Variants in PER3 observed in about 807,000 individuals in gnomAD.
PER3 encodes the protein period circadian protein homolog 3.
PER3 carries 107 observed loss-of-function variants against 127.2 expected under a neutral mutation model. That is an observed-to-expected ratio of 0.84 (90% confidence interval 0.72 to 0.99). PER3 has a LOEUF of 0.99. Among genes scored for constraint, PER3 ranks in the 50% least tolerant of loss-of-function variants. The probability of loss-of-function intolerance (pLI) is 0.00; values close to 1 mark genes in which losing one functional copy is unlikely to be tolerated. For missense variants in PER3, 1,560 were observed against 1,525.8 expected (o/e 1.02, Z -0.37); for synonymous variants, 618 against 585.8 (o/e 1.05, Z -0.79).
rs558476732 is a variant in PER3, at chr1:7,841,724, T to C, written c.3550-948T>C. ...CTCCATTTTCAAAGAAAAGAATGAG[T>C]GTCTGTCATGTAAGAATGGCTGGGT... On this transcript the variant is annotated intron_variant, in intron 21 of 21. Transcript: ENST00000377532. Among the ~76,000 whole-genome samples the C allele has an allele frequency of 3.9e-5, 6 of 152,252 alleles. No individual in the cohort carries two copies. In the South Asian group the frequency reaches 1.2e-3, roughly 32 times the overall value.
chr1:7,790,021 C>T (rs10864315), intron 5 of PER3, among the ~76,000 whole-genome samples: 42,708 of 152,120 alleles, frequency 0.28, 6,282 homozygotes, highest in Middle Eastern at 0.46. Flanking sequence ...AGAACTAGTC[C>T]GGATACAGAT....
Position 7,820,675 on chromosome 1 carries a change from C to T in PER3, c.1957+35C>T, listed in dbSNP as rs377193324. The T allele has an allele frequency of 8.5e-6, 13 of 1,537,892 alleles. No individual in the cohort carries two copies. The African/African-American group carries it at 1.5e-4, about 18-fold the overall frequency. On this transcript the variant is annotated intron_variant, in intron 16 of 21. Transcript: ENST00000377532. ...TCGCCTCTTACTTTGAAAATATACT[C>T]AACTTTAACTACATTGTGATGAGAA... is the stretch of plus-strand genomic sequence containing the variant.
chr1:7,820,844 G>A (rs151126785), intron 16 of PER3, among the ~76,000 whole-genome samples: 1 of 152,266 alleles, frequency 6.6e-6, no homozygotes, highest in East Asian at 1.9e-4. Flanking sequence ...TCTCAGTTAT[G>A]TTATTTGTCA....
Position 7,827,339 on chromosome 1 carries a change from C to G in PER3, c.2410C>G (p.Pro804Ala), listed in dbSNP as rs1231779419. 1 of 1,614,042 alleles carries G rather than the reference C, an allele frequency of 6.2e-7. No homozygotes were observed. Among genetic ancestry groups the G allele is most frequent in the Non-Finnish European group, 8.5e-7 (1 of 1,180,010 alleles). Residue 804 changes from proline (P) to alanine (A), a missense_variant, in exon 18 of 22, where the codon CCT becomes GCT. Pro to Ala is a conservative substitution (Grantham distance 27). This residue lies in a region of PER3 where 1,332 missense variants were observed against 1,223.6 expected (regional missense o/e 1.09). Transcript: ENST00000377532. ...PPAAMVPSQA[P>A]YLVPAFPLPA... ...TGCCGCCATGGTGCCCAGCCAGGCC[C>G]CTTACCTCGTCCCAGCTTTTCCCCT...
chr1:7,810,274 T>C (rs1171317334), intron 12 of PER3, 164 bp from the exon 13 acceptor site: 6 of 624,424 alleles, frequency 9.6e-6, no homozygotes, highest in African/African-American at 1.8e-5. Context: ...AATTTGTTGG[T>C]ACCAGTATAC....
Position 7,827,649 on chromosome 1 carries a change from G to T in PER3, c.2720G>T (p.Ser907Ile), listed in dbSNP as rs773520291. 6.2e-7 allele frequency: 1 copy of T among 1,614,206 alleles called. No individual in the cohort carries two copies. The highest frequency in any genetic ancestry group is 2.2e-5 in the East Asian group (1 of 44,886). The change falls in exon 18 of 22, where the codon AGC (serine) becomes ATC (isoleucine). Residue 907 changes from serine to isoleucine, a missense_variant. Physicochemically the swap from Ser to Ile is moderately radical, Grantham distance 142 (BLOSUM62 -2). Transcript: ENST00000377532. ...CTGGACCCACCCCCTTCAGTCACCA[G>T]CCAAAGGAGAGAGGAGGAAAAGTGG... ...PTLDPPPSVT[S>I]QRREEEKWEA...
At chr1:7,787,367 CTTATT>C (rs2097096832) in intron 4 of PER3, 1 of 295,200 alleles carries the variant, frequency 3.4e-6, no homozygotes, top group Non-Finnish European at 6.7e-6. Context: ...GTGGAGATTA[CTTATT>C]TTAAGTAACA....
Position 7,843,917 on chromosome 1 carries a change from C to T in PER3, c.*1162C>T. The stretch of plus-strand genomic sequence containing the variant: ...TTTTTAGAGAAGTCCCTGATTCCTT[C>T]TTAAACTTGGAATGATAGATGAAAT... On this transcript the variant is annotated 3_prime_UTR_variant, in exon 22 of 22. Coordinates refer to ENST00000377532, the MANE Select transcript of PER3 (RefSeq NM_001377275.1). The T allele has an allele frequency of 7.8e-7, 1 of 1,278,442 alleles. No homozygotes were observed. Among genetic ancestry groups the T allele is most frequent in the Middle Eastern group, 2.5e-4 (1 of 4,016 alleles). The allele number at this position is 1,278,442 out of a possible 1,614,324, so 79.2% of individuals were successfully genotyped here.
chr1:7,828,555 A>G (rs2097313912), intron 18 of PER3, among the ~76,000 whole-genome samples: 1 of 152,246 alleles, frequency 6.6e-6, no homozygotes, highest in South Asian at 2.1e-4. Context: ...TTCAAAATCT[A>G]GTGATACAAA....
intron 13 of PER3, among the ~76,000 whole-genome samples, chr1:7,816,074 T>C (rs2097249878): frequency 6.6e-6 from 1 of 150,526 alleles, no homozygotes; most frequent in Non-Finnish European, 1.5e-5. Context: ...CCTAAAACAC[T>C]GCTTAAAGGG....
chr1:7,803,271 T>C lies in PER3; in HGVS notation c.979+118T>C, dbSNP rs116622796. Reference sequence around the variant, plus strand: ...CAGAGAGGCATTACATTGAAGCTGCTAAAGCAATTGTTTTCTATTTAAACA... The same window carrying C: ...CAGAGAGGCATTACATTGAAGCTGCCAAAGCAATTGTTTTCTATTTAAACA... On this transcript the variant is annotated intron_variant, in intron 9 of 21. Coordinates refer to ENST00000377532, the MANE Select transcript of PER3 (RefSeq NM_001377275.1). 1,083 of 723,916 alleles carry C rather than the reference T, an allele frequency of 1.5e-3. 7 individuals are homozygous for C. In the African/African-American group the frequency reaches 0.015, roughly 10 times the overall value. 44.8% of individuals were successfully genotyped at this position (723,916 alleles called of 1,614,324 possible). A position where few individuals can be genotyped will look rare whatever the true frequency, so the allele number is the denominator to read the frequency against.
chr1:7,786,525 C>T (rs2097091694), intron 3 of PER3, among the ~76,000 whole-genome samples, 196 bp from the exon 4 acceptor site: 1 of 152,156 alleles, frequency 6.6e-6, no homozygotes, highest in African/African-American at 2.4e-5. Flanking sequence ...CCAGAACATG[C>T]AGAATTCATA....
At chr1:7,785,809 A>G (rs2097086197) in intron 3 of PER3, among the ~76,000 whole-genome samples, 1 of 152,230 alleles carries the variant, frequency 6.6e-6, no homozygotes. Flanking sequence ...TACCTATGCA[A>G]TGTTTTGCTC....
chr1:7,827,933 G>T, intron 18 of PER3, 118 bp downstream of exon 18: 1 of 702,876 alleles, frequency 1.4e-6, no homozygotes. Context: ...TGGCTACTGT[G>T]AGTGAGCCTG....
Position 7,784,821 on chromosome 1 carries a change from C to G in PER3, c.-57C>G. 2.2e-6 allele frequency: 3 copies of G among 1,390,110 alleles called. No homozygotes were observed. The highest frequency in any genetic ancestry group is 3.5e-5 in the South Asian group (2 of 56,422). The allele number at this position is 1,390,110 out of a possible 1,614,324, so 86.1% of individuals were successfully genotyped here. A position where few individuals can be genotyped will look rare whatever the true frequency, so the allele number is the denominator to read the frequency against. On this transcript the variant is annotated 5_prime_UTR_variant, in exon 2 of 22. Coordinates refer to ENST00000377532, the MANE Select transcript of PER3 (RefSeq NM_001377275.1). ...TGTCTGTCACTGACTGCAAAGTGAG[C>G]GAGAAGCAGGCTGCGGGCCGTCCCA... is the stretch of plus-strand genomic sequence containing the variant.
At chr1:7,794,780 G>A (rs1400572128) in intron 6 of PER3, among the ~76,000 whole-genome samples, 1 of 151,648 alleles carries the variant, frequency 6.6e-6, no homozygotes, top group African/African-American at 2.4e-5. Flanking sequence ...GTAGTTGATT[G>A]CTGGTAGGAA....
At chr1:7,789,174 T>C (rs1410018563) in intron 5 of PER3, among the ~76,000 whole-genome samples, 7 of 146,454 alleles carry the variant, frequency 4.8e-5, no homozygotes, top group African/African-American at 1.7e-4. Context: ...TTCTCTTTGA[T>C]TCCAAGCCCT....
intron 3 of PER3, 79 bp from the exon 4 acceptor site, chr1:7,786,642 C>T (rs925584364): frequency 1.8e-4 from 135 of 753,992 alleles, no homozygotes; most frequent in Admixed American, 6.5e-5. Context: ...AAAAAATAAT[C>T]CAGCTTGATA....
intron 12 of PER3, 56 bp downstream of exon 12, chr1:7,810,077 G>A (rs1227767288): frequency 5.9e-6 from 9 of 1,519,882 alleles, no homozygotes; most frequent in South Asian, 4.7e-5. Context: ...GTACTACCTC[G>A]GTTCTGAATG....
Sources: gnomAD v4.1 joint callset for allele counts (sites outside exome capture counted in the v4.1 genomes callset) on GRCh38, gnomAD v4.1.1 for gene constraint, gnomAD v4.1.1 regional missense constraint, MANE v1.5 for transcripts, NCBI Gene and HGNC (gene_info 2026-07-23, HGNC 2026-07-21) for gene names.